Variants in EHMT1 observed in about 807,000 individuals in gnomAD.
EHMT1 encodes the protein euchromatic histone lysine methyltransferase 1.
Under a neutral mutation model 147.2 loss-of-function variants are expected in EHMT1, and 15 were observed. The observed-to-expected ratio is 0.10, with a 90% CI of 0.07 to 0.16. The LOEUF is 0.16. Ranked by LOEUF, EHMT1 falls within the 10% of genes least tolerant of loss-of-function variation. EHMT1 has a pLI of 1.00. For synonymous variants in EHMT1, 795 were observed against 709.6 expected (o/e 1.12, Z -1.91); for missense variants, 1,587 against 1,772.4 (o/e 0.90, Z 1.88).
chr9:137,829,096 C>G (rs1489039914), intron 25 of EHMT1, among the ~76,000 whole-genome samples: 1 of 152,244 alleles, frequency 6.6e-6, no homozygotes, highest in Non-Finnish European at 1.5e-5. Context: ...GACGTTGCCA[C>G]TGGAGCTCGT....
chr9:137,780,813 A>G (rs1182501914), intron 14 of EHMT1, among the ~76,000 whole-genome samples: 2 of 77,670 alleles, frequency 2.6e-5, no homozygotes, highest in African/African-American at 6.4e-5. Flanking sequence ...CATCTCACTG[A>G]GATGTGTGGT....
intron 1 of EHMT1, among the ~76,000 whole-genome samples, chr9:137,625,203 G>T (rs185011273): frequency 6.6e-6 from 1 of 151,980 alleles, no homozygotes; most frequent in African/African-American, 2.4e-5. Context: ...ATTCTTAACC[G>T]TTTGCAAGCA....
intron 3 of EHMT1, among the ~76,000 whole-genome samples, chr9:137,719,410 CAG>C (rs953162648): frequency 6.6e-6 from 1 of 152,116 alleles, no homozygotes; most frequent in African/African-American, 2.4e-5. Flanking sequence ...GCTGGCTCCT[CAG>C]GGGCCCACAG....
chr9:137,724,680 G>A (rs1423453553), intron 3 of EHMT1, among the ~76,000 whole-genome samples: 1 of 152,210 alleles, frequency 6.6e-6, no homozygotes, highest in Non-Finnish European at 1.5e-5. Flanking sequence ...GGAGAGCCAC[G>A]TGAGCCAAAC....
intron 4 of EHMT1, 160 bp downstream of exon 4, chr9:137,728,689 A>C: frequency 1.2e-6 from 1 of 866,058 alleles, no homozygotes; most frequent in Non-Finnish European, 1.9e-6. Flanking sequence ...ATGCCTGAGG[A>C]GGCACACCTG....
intron 1 of EHMT1, among the ~76,000 whole-genome samples, chr9:137,668,606 TC>T (rs1411189281): frequency 6.6e-6 from 1 of 152,168 alleles, no homozygotes; most frequent in Non-Finnish European, 1.5e-5. Flanking sequence ...CATTAGCAGT[TC>T]CTTCCCGTGT....
In EHMT1 at chr9:137,817,635, C is replaced by T. The variant is rs1955025561; in HGVS notation, c.3461+110C>T. The T allele has an allele frequency of 8.6e-6, 12 of 1,394,056 alleles. No homozygotes were observed. The East Asian group carries it at 1.4e-4, about 16-fold the overall frequency. The allele number at this position is 1,394,056 out of a possible 1,614,324, so 86.4% of individuals were successfully genotyped here. A position where few individuals can be genotyped will look rare whatever the true frequency, so the allele number is the denominator to read the frequency against. On this transcript the variant is annotated intron_variant, in intron 24 of 26. Transcript: ENST00000460843. ...TGGGAGCAGGCACATCCCTGGCGTA[C>T]AGCAGCGTGGGGTGGGGGCCACAGA...
At chr9:137,779,573 C>G in intron 13 of EHMT1, 62 bp from the exon 14 acceptor site, 1 of 1,586,908 alleles carries the variant, frequency 6.3e-7, no homozygotes. Context: ...GGCCTTCCAG[C>G]CTTCAGCTTC....
chr9:137,788,522 G>C (rs755871593), intron 15 of EHMT1: 16 of 157,172 alleles, frequency 1.0e-4, no homozygotes, highest in Non-Finnish European at 2.0e-4. Context: ...CCTTGCAGGT[G>C]CAGGGATCTT....
At chr9:137,781,011 TGTGTGGTGATGACGCCGAGAC>T (rs1564747972) in intron 14 of EHMT1, among the ~76,000 whole-genome samples, 5 of 31,966 alleles carry the variant, frequency 1.6e-4, no homozygotes, top group Non-Finnish European at 2.2e-4. Flanking sequence ...GACGCCGGGA[TGTGTGGTGATGACGCCGAGAC>T]GTGTGGTGAT....
At position 137,716,645 on chromosome 9, in the gene EHMT1, T is replaced by A. The variant is rs1308596650; in HGVS notation, c.105T>A (p.Asp35Glu). 3.2e-6 allele frequency: 5 copies of A among 1,578,124 alleles called. No homozygotes were observed. Among genetic ancestry groups the A allele is most frequent in the African/African-American group, 2.7e-5 (2 of 73,864 alleles). The change falls in exon 3 of 27, where the codon GAT (aspartate) becomes GAA (glutamate). Residue 35 changes from aspartate (D) to glutamate (E), a missense_variant. Physicochemically the swap from Asp to Glu is conservative, Grantham distance 45. This residue lies in a region of EHMT1 where 810 missense variants were observed against 673.0 expected (regional missense o/e 1.20). Coordinates refer to ENST00000460843, the MANE Select transcript of EHMT1 (RefSeq NM_024757.5). ...LLGEETPMAA[D>E]EGSAEKQAGE... Reference sequence around the variant, plus strand: ...TGGCAGAGACACCTATGGCTGCCGATGAAGGCTCAGCAGAGAAACAGGCAG... The same window carrying A: ...TGGCAGAGACACCTATGGCTGCCGAAGAAGGCTCAGCAGAGAAACAGGCAG...
At chr9:137,647,786 G>A (rs1452045564) in intron 1 of EHMT1, among the ~76,000 whole-genome samples, 1 of 151,768 alleles carries the variant, frequency 6.6e-6, no homozygotes, top group Non-Finnish European at 1.5e-5. Context: ...TAGTAGAGAC[G>A]GGGTTTCACC....
rs2136061744 is a variant in EHMT1, at chr9:137,743,895, G to A, written c.982-7G>A. The A allele has an allele frequency of 1.1e-5, 17 of 1,609,350 alleles. No individual in the cohort carries two copies. The highest frequency in any genetic ancestry group is 1.4e-5 in the Non-Finnish European group (16 of 1,178,784). Reference sequence around the variant, plus strand: ...TGCCTTGGGGTATACACCTGCCCGTGTTCTAGGGGGAGAAGGACCTGGGCG... The same window carrying A: ...TGCCTTGGGGTATACACCTGCCCGTATTCTAGGGGGAGAAGGACCTGGGCG... On this transcript the variant is annotated splice_polypyrimidine_tract_variant and splice_region_variant and intron_variant, in intron 5 of 26. Coordinates refer to ENST00000460843, the MANE Select transcript of EHMT1 (RefSeq NM_024757.5).
At chr9:137,655,030 C>T (rs1199971815) in intron 1 of EHMT1, among the ~76,000 whole-genome samples, 1 of 151,440 alleles carries the variant, frequency 6.6e-6, no homozygotes, top group East Asian at 1.9e-4. Context: ...TGGAGTCTTG[C>T]TCTTGCCACC....
intron 10 of EHMT1, among the ~76,000 whole-genome samples, chr9:137,766,889 C>G (rs1228107592): frequency 6.6e-6 from 1 of 152,114 alleles, no homozygotes; most frequent in Non-Finnish European, 1.5e-5. Flanking sequence ...TGCAGTGGCT[C>G]TCATTGCAGC....
intron 1 of EHMT1, among the ~76,000 whole-genome samples, chr9:137,648,783 C>T (rs903022403): frequency 1.3e-5 from 2 of 152,146 alleles, no homozygotes; most frequent in African/African-American, 2.4e-5. Flanking sequence ...CCTGCCTTCC[C>T]CTCTCAAATT....
At chr9:137,658,059 A>G (rs548787807) in intron 1 of EHMT1, among the ~76,000 whole-genome samples, 2 of 152,104 alleles carry the variant, frequency 1.3e-5, no homozygotes, top group Non-Finnish European at 2.9e-5. Flanking sequence ...CATTCTGTTC[A>G]TGGCTGAATA....
chr9:137,831,833 C>G (rs1001855698), intron 25 of EHMT1, among the ~76,000 whole-genome samples: 1 of 152,244 alleles, frequency 6.6e-6, no homozygotes, highest in Non-Finnish European at 1.5e-5. Flanking sequence ...GGCCTTGTTT[C>G]CCTAGTGCGA....
intron 6 of EHMT1, among the ~76,000 whole-genome samples, chr9:137,751,737 A>G (rs982982507): frequency 1.3e-5 from 2 of 152,260 alleles, no homozygotes; most frequent in African/African-American, 4.8e-5. Flanking sequence ...TAATATTCAC[A>G]GAACTGTTGA....
Sources: allele counts gnomAD v4.1 joint callset (sites outside exome capture counted in the v4.1 genomes callset), GRCh38; gene constraint gnomAD v4.1.1; regional missense constraint gnomAD v4.1.1; transcripts MANE v1.5; gene names NCBI Gene and HGNC (gene_info 2026-07-23, HGNC 2026-07-21).